The following APPL2 variants were observed in gnomAD, a reference collection of about 807,000 sequenced individuals.
APPL2 encodes DCC-interacting protein 13-beta.
In APPL2, 84 loss-of-function variants were observed where a neutral mutation model predicts 92.7. That is an observed-to-expected ratio of 0.91 (90% CI 0.76 to 1.09). APPL2 has a LOEUF of 1.09. Among genes scored for constraint, APPL2 ranks in the 50% least tolerant of loss-of-function variants. The probability of loss-of-function intolerance (pLI) is 0.00; values close to 1 mark genes in which losing one functional copy is unlikely to be tolerated. For synonymous variants in APPL2, 291 were observed against 291.0 expected, an observed-to-expected ratio of 1.00 and a Z score of 0.00; for missense variants, 736 against 824.5, an observed-to-expected ratio of 0.89 and a Z score of 1.31.
intron 1 of APPL2, among the ~76,000 whole-genome samples, chr12:105,235,071 T>C (rs73397659): frequency 0.023 from 3,508 of 152,050 alleles, 112 homozygotes; most frequent in African/African-American, 0.066. Context: ...GAAACGAAAA[T>C]AGGTTAATCT....
chr12:105,182,972 T>G (rs1592758176), intron 17 of APPL2, among the ~76,000 whole-genome samples: 1 of 152,098 alleles, frequency 6.6e-6, no homozygotes, highest in Admixed American at 6.6e-5. Context: ...ATAGTTAGCT[T>G]TTCTTGTTGC....
At chr12:105,194,488 C>G (rs771771960) in intron 14 of APPL2, among the ~76,000 whole-genome samples, 15 of 152,042 alleles carry the variant, frequency 9.9e-5, no homozygotes, top group Admixed American at 3.3e-4. Context: ...GTCAGGAGTT[C>G]AAGACCAGCC....
chr12:105,234,354 G>C (rs984209831), intron 1 of APPL2, among the ~76,000 whole-genome samples: 8 of 152,212 alleles, frequency 5.3e-5, no homozygotes, highest in African/African-American at 1.9e-4. Context: ...TGGAGATGAA[G>C]AGACTCACCC....
At chr12:105,197,301 C>T (rs771763505) in intron 11 of APPL2, among the ~76,000 whole-genome samples, 40 of 152,298 alleles carry the variant, frequency 2.6e-4, no homozygotes, top group African/African-American at 7.7e-4. Context: ...TGGCAGCCGA[C>T]GATGCTGCTG....
chr12:105,201,721 T>C (rs935248), intron 9 of APPL2, among the ~76,000 whole-genome samples: 132,824 of 151,538 alleles, frequency 0.88, 58,483 homozygotes, highest in East Asian at 1. Context: ...TGTATATATA[T>C]ACACACACAC....
intron 16 of APPL2, among the ~76,000 whole-genome samples, chr12:105,189,014 GTTTTTTCTT>G (rs921129391): frequency 1.2e-4 from 18 of 152,056 alleles, no homozygotes; most frequent in East Asian, 5.8e-4. Flanking sequence ...ACCAAAGAAG[GTTTTTTCTT>G]TTTTTTCTTT....
chr12:105,209,079 C>A (rs923523986), intron 5 of APPL2, among the ~76,000 whole-genome samples: 6 of 152,080 alleles, frequency 3.9e-5, no homozygotes, highest in African/African-American at 1.4e-4. Context: ...TCTTTCTCTC[C>A]CATCTTTTAT....
At chr12:105,203,918 T>C (rs916822960) in intron 8 of APPL2, 133 bp from the exon 9 acceptor site, 5 of 712,358 alleles carry the variant, frequency 7.0e-6, no homozygotes, top group Non-Finnish European at 1.2e-5. Context: ...ACTGGCAGCA[T>C]CTCTACTGAG....
At chr12:105,181,602 T>G (rs1026503962) in intron 17 of APPL2, among the ~76,000 whole-genome samples, 5 of 152,198 alleles carry the variant, frequency 3.3e-5, no homozygotes, top group Admixed American at 1.3e-4. Flanking sequence ...GGCTTTTTTT[T>G]GGTTGGTAGG....
chr12:105,182,698 A>C lies in APPL2; in HGVS notation c.1635-5436T>G, dbSNP rs551152931. On this transcript the variant is annotated intron_variant, in intron 17 of 20. Coordinates refer to ENST00000258530, the MANE Select transcript of APPL2 (RefSeq NM_018171.5). ...CGATTATGTGGTCAATTTTAGAATAAGTGTGACGTGGTGCTGAGAAGAATG... is the reference window on the plus strand; with the variant it reads ...CGATTATGTGGTCAATTTTAGAATACGTGTGACGTGGTGCTGAGAAGAATG... Among the ~76,000 whole-genome samples, 3 of 152,322 alleles carry C rather than the reference A, an allele frequency of 2.0e-5. No individual in the cohort carries two copies. In the East Asian group the frequency reaches 5.8e-4, roughly 29 times the overall value.
Position 105,195,313 on chromosome 12 carries a change from C to T in APPL2, c.1189G>A (p.Ala397Thr), listed in dbSNP as rs1887542420. Residue 397 changes from alanine (A) to threonine (T), a missense_variant, in exon 14 of 21, where the codon GCA (alanine) becomes ACA (threonine). Physicochemically the swap from Ala to Thr is moderately conservative, Grantham distance 58. Coordinates refer to ENST00000258530, the MANE Select transcript of APPL2 (RefSeq NM_018171.5). ...AIKLNQTALQ[A>T]VTPITSFGKK... The stretch of plus-strand genomic sequence containing the variant: ...CCAAAACTTGTAATGGGAGTCACTG[C>T]TTGCAGAGCGGTCTGATTCAACTTG... 1 of 1,614,174 alleles carries T rather than the reference C, an allele frequency of 6.2e-7. No homozygotes were observed. The highest frequency in any genetic ancestry group is 1.1e-5 in the South Asian group (1 of 91,084).
At chr12:105,227,344 A>G (rs761567446) in intron 2 of APPL2, among the ~76,000 whole-genome samples, 11 of 152,144 alleles carry the variant, frequency 7.2e-5, no homozygotes, top group Admixed American at 2.6e-4. Flanking sequence ...TTGCCTATCT[A>G]TATCTCCAGC....
rs866897318 is a variant in APPL2 at position 105,218,267 on chromosome 12, T to C, written c.154-542A>G. On this transcript the variant is annotated intron_variant, in intron 2 of 20. Coordinates refer to ENST00000258530, the MANE Select transcript of APPL2 (RefSeq NM_018171.5). ...AACAAATCAAAAGGTTAAAGCTTGC[T>C]ATTTTATTTTTTAACCCTTTACAAA... 4.6e-5 allele frequency among the ~76,000 whole-genome samples: 7 copies of C among 152,244 alleles called. No individual in the cohort carries two copies. In the South Asian group the frequency reaches 6.2e-4, roughly 13 times the overall value.
rs1204039321 is a variant in APPL2, at chr12:105,190,021, G to C, written c.1376C>G (p.Thr459Arg). Residue 459 changes from threonine to arginine, a missense_variant, in exon 15 of 21, where the codon ACA becomes AGA. Coordinates refer to ENST00000258530, the MANE Select transcript of APPL2 (RefSeq NM_018171.5). ...CCCTCTGTTCTGATCAAGGAATTCT[G>C]TAGCAGGAAGCACAATATCGAATTG... is the stretch of plus-strand genomic sequence containing the variant. Reference protein sequence around the residue: ...PIQFDIVLPATEFLDQNRGSR... With the variant: ...PIQFDIVLPAREFLDQNRGSR... The C allele has an allele frequency of 6.2e-7, 1 of 1,614,176 alleles. No homozygotes were observed. Among genetic ancestry groups the C allele is most frequent in the South Asian group, 1.1e-5 (1 of 91,080 alleles).
chr12:105,178,258 T>C (rs1355000823), intron 17 of APPL2, among the ~76,000 whole-genome samples: 2 of 152,178 alleles, frequency 1.3e-5, no homozygotes, highest in African/African-American at 2.4e-5. Flanking sequence ...ATTATGTAAA[T>C]TATTACTATA....
chr12:105,233,964 A>G (rs1371371854), intron 1 of APPL2, among the ~76,000 whole-genome samples: 2 of 152,190 alleles, frequency 1.3e-5, no homozygotes, highest in Non-Finnish European at 2.9e-5. Flanking sequence ...TCCAGTTCCA[A>G]GTCTAGGAGT....
At chr12:105,184,382 C>G (rs746147015) in intron 17 of APPL2, among the ~76,000 whole-genome samples, 2 of 152,164 alleles carry the variant, frequency 1.3e-5, no homozygotes, top group African/African-American at 4.8e-5. Context: ...CTGCTTTTTC[C>G]TCATCTTTGT....
chr12:105,211,374 G>T (rs1889204048), intron 4 of APPL2, 57 bp from the exon 5 acceptor site: 4 of 1,296,406 alleles, frequency 3.1e-6, no homozygotes, highest in Non-Finnish European at 4.4e-6. Flanking sequence ...TATTGACATA[G>T]TCTCATTTCA....
intron 8 of APPL2, chr12:105,206,749 C>G (rs1888733704): frequency 4.2e-6 from 1 of 236,086 alleles, no homozygotes; most frequent in African/African-American, 2.3e-5. Context: ...GTAGCTGCTT[C>G]TAGGAGAACT....
Sources: gnomAD v4.1 joint callset for allele counts (sites outside exome capture counted in the v4.1 genomes callset) on GRCh38, gnomAD v4.1.1 for gene constraint, MANE v1.5 for transcripts, NCBI Gene and HGNC (gene_info 2026-07-23, HGNC 2026-07-21) for gene names.